Variants in EML6 observed in about 807,000 individuals in gnomAD.
EML6 encodes the protein EMAP like 6.
Under a neutral mutation model 240.1 loss-of-function variants are expected in EML6, and 154 were observed. The observed-to-expected ratio is 0.64, with a 90% CI of 0.56 to 0.73. The LOEUF (loss-of-function observed/expected upper bound fraction) is 0.73, where lower values mean the gene tolerates loss of function less well. Ranked by LOEUF, EML6 falls within the 30% of genes least tolerant of loss-of-function variation. EML6 has a pLI of 0.00. For missense variants in EML6, 2,964 were observed against 2,474.6 expected (o/e 1.20, Z -4.20); for synonymous variants, 1,148 against 899.0 (o/e 1.28, Z -4.95).
intron 2 of EML6, among the ~76,000 whole-genome samples, chr2:54,794,767 G>A (rs1288659830): frequency 1.3e-5 from 2 of 152,158 alleles, no homozygotes; most frequent in African/African-American, 2.4e-5. Flanking sequence ...TACAAAAATT[G>A]TACGACATTA....
At chr2:54,947,443 G>A (rs373723611) in intron 28 of EML6, among the ~76,000 whole-genome samples, 4 of 152,052 alleles carry the variant, frequency 2.6e-5, no homozygotes, top group Admixed American at 6.6e-5. Context: ...ATTACATAAC[G>A]TGTTTTGATT....
intron 17 of EML6, among the ~76,000 whole-genome samples, chr2:54,883,117 A>G (rs1484057986): frequency 6.6e-6 from 1 of 151,982 alleles, no homozygotes. Flanking sequence ...TAGAAAAATT[A>G]GCAGGGAAAA....
At chr2:54,960,023 A>G (rs560059737) in intron 34 of EML6, among the ~76,000 whole-genome samples, 197 bp from the exon 35 acceptor site, 7 of 152,324 alleles carry the variant, frequency 4.6e-5, no homozygotes, top group African/African-American at 1.4e-4. Flanking sequence ...GAAATCTGCA[A>G]GCTCAGGAGG....
intron 7 of EML6, among the ~76,000 whole-genome samples, chr2:54,834,483 G>A (rs1178106462): frequency 2.0e-5 from 3 of 152,176 alleles, no homozygotes; most frequent in Non-Finnish European, 4.4e-5. Flanking sequence ...AGTATAAGAT[G>A]TATTATTTAC....
At chr2:54,953,446 A>AATCCTCTGC (rs1443226562) in intron 31 of EML6, among the ~76,000 whole-genome samples, 1 of 152,172 alleles carries the variant, frequency 6.6e-6, no homozygotes, top group Non-Finnish European at 1.5e-5. Context: ...CTTCGTATAA[A>AATCCTCTGC]ATCCTCTGCA....
At chr2:54,778,083 T>C (rs1668675904) in intron 2 of EML6, among the ~76,000 whole-genome samples, 1 of 152,218 alleles carries the variant, frequency 6.6e-6, no homozygotes, top group Admixed American at 6.5e-5. Context: ...TGTTTTTTCT[T>C]CAACTGTTTG....
At chr2:54,844,670 T>A (rs1322756693) in intron 8 of EML6, among the ~76,000 whole-genome samples, 1 of 152,244 alleles carries the variant, frequency 6.6e-6, no homozygotes, top group Non-Finnish European at 1.5e-5. Context: ...CAAAATTGTC[T>A]TTAGCACATG....
chr2:54,736,947 T>C (rs77961365), intron 2 of EML6, among the ~76,000 whole-genome samples: 5,476 of 152,300 alleles, frequency 0.036, 354 homozygotes, highest in African/African-American at 0.12. Flanking sequence ...GTTATTCTTG[T>C]AAAAGACTAA....
intron 8 of EML6, among the ~76,000 whole-genome samples, chr2:54,847,116 C>T (rs1012705224): frequency 2.6e-5 from 4 of 151,652 alleles, no homozygotes; most frequent in Non-Finnish European, 5.9e-5. Context: ...TTATATTGCC[C>T]AGGCTATTCT....
chr2:54,893,042 T>C (rs13422312), intron 19 of EML6, among the ~76,000 whole-genome samples: 23,367 of 152,140 alleles, frequency 0.15, 2,475 homozygotes, highest in African/African-American at 0.29. Flanking sequence ...GTTACATTAT[T>C]GTTCCAGACG....
At chr2:54,773,642 A>G (rs1193798133) in intron 2 of EML6, among the ~76,000 whole-genome samples, 1 of 152,264 alleles carries the variant, frequency 6.6e-6, no homozygotes, top group African/African-American at 2.4e-5. Flanking sequence ...TACATTGTCT[A>G]AGCTCTCAGA....
chr2:54,844,205 A>G lies in EML6; in HGVS notation c.1006A>G (p.Lys336Glu). The part of the protein sequence containing the change: ...GELWALALHP[K>E]KPLAVTGSDD... ...GCTCTGGGCTCTGGCCCTGCACCCC[A>G]AGAAGCCTCTGGCTGTGACAGGCAG... The change falls in exon 8 of 42, where the codon AAG (lysine) becomes GAG (glutamate). Residue 336 changes from lysine (K) to glutamate (E), a missense_variant. Coordinates refer to ENST00000356458, the MANE Select transcript of EML6 (RefSeq NM_001039753.4). 1 of 1,551,650 alleles carries G rather than the reference A, an allele frequency of 6.4e-7. No individual in the cohort carries two copies. Among genetic ancestry groups the G allele is most frequent in the Non-Finnish European group, 8.7e-7 (1 of 1,146,992 alleles).
intron 2 of EML6, among the ~76,000 whole-genome samples, chr2:54,804,318 T>C (rs1266983942): frequency 6.6e-6 from 1 of 152,236 alleles, no homozygotes; most frequent in Non-Finnish European, 1.5e-5. Context: ...ACTCCTTGCT[T>C]AAAGAGAGGA....
At chr2:54,806,311 G>A (rs1670475301) in intron 2 of EML6, among the ~76,000 whole-genome samples, 1 of 151,896 alleles carries the variant, frequency 6.6e-6, no homozygotes, top group Non-Finnish European at 1.5e-5. Context: ...GAGTTGCTCG[G>A]ACTTAGAATG....
intron 37 of EML6, among the ~76,000 whole-genome samples, 165 bp downstream of exon 37, chr2:54,964,323 G>A (rs1456889764): frequency 6.6e-6 from 1 of 152,196 alleles, no homozygotes; most frequent in Non-Finnish European, 1.5e-5. Context: ...TCTTAGACAA[G>A]TCTTTGCTAA....
At chr2:54,908,403 T>C (rs545020510) in intron 24 of EML6, among the ~76,000 whole-genome samples, 22 of 152,176 alleles carry the variant, frequency 1.4e-4, no homozygotes, top group African/African-American at 3.9e-4. Flanking sequence ...TTAGTAGATA[T>C]GGGGTTTCAC....
In EML6 at chr2:54,850,124, C is replaced by A. The variant is rs186761296; in HGVS notation, c.1350C>A (p.Ser450=). 6.4e-7 allele frequency: 1 copy of A among 1,551,908 alleles called. No homozygotes were observed. The highest frequency in any genetic ancestry group is 1.4e-5 in the African/African-American group (1 of 73,152). Residue 450 remains serine (S), a synonymous_variant, in exon 10 of 42, where the codon TCC becomes TCA. Transcript: ENST00000356458. The part of the protein sequence containing the change: ...RYKKIGECSK[S]LSFITHIDWS... The stretch of plus-strand genomic sequence containing the variant: ...AGAAAATTGGAGAATGCAGCAAGTC[C>A]CTTAGTTTCATCACGCATATTGACT...
At chr2:54,830,384 T>A (rs1668809233) in intron 7 of EML6, among the ~76,000 whole-genome samples, 2 of 152,234 alleles carry the variant, frequency 1.3e-5, no homozygotes, top group South Asian at 4.2e-4. Flanking sequence ...GTCCACAGGA[T>A]GAAAACTTAC....
intron 26 of EML6, among the ~76,000 whole-genome samples, chr2:54,927,121 T>G (rs539476303): frequency 1.5e-4 from 23 of 152,330 alleles, no homozygotes; most frequent in African/African-American, 5.1e-4. Context: ...TCTGCCTATT[T>G]GCTAGCAAAC....
Sources: gnomAD v4.1 joint callset for allele counts (sites outside exome capture counted in the v4.1 genomes callset) on GRCh38, gnomAD v4.1.1 for gene constraint, MANE v1.5 for transcripts, NCBI Gene and HGNC (gene_info 2026-07-23, HGNC 2026-07-21) for gene names.